ASTN1: variants seen among roughly 807,000 people sequenced by gnomAD.
ASTN1 encodes the protein astrotactin 1.
A neutral mutation model predicts 140.7 loss-of-function variants in ASTN1; 41 were observed. The observed-to-expected ratio is 0.29, with a 90% CI of 0.23 to 0.38. The LOEUF is 0.38. Among genes scored for constraint, ASTN1 ranks in the 10% least tolerant of loss-of-function variants. The probability of loss-of-function intolerance (pLI) is 1.00; values close to 1 mark genes in which losing one functional copy is unlikely to be tolerated. For synonymous variants in ASTN1, 640 were observed against 652.2 expected (o/e 0.98, Z 0.29); for missense variants, 1,479 against 1,678.8 (o/e 0.88, Z 2.08).
Position 176,936,254 on chromosome 1 carries a change from A to T in ASTN1, c.2482+12T>A. On this transcript the variant is annotated intron_variant, in intron 15 of 22. Transcript: ENST00000361833. ...AGGGAAGGTGGGCAGGATAGCCTGC[A>T]GCAGTGCTCACCCTGAGAGATGGCC... 1 of 1,608,564 alleles carries T rather than the reference A, an allele frequency of 6.2e-7. No individual in the cohort carries two copies.
chr1:176,892,054 C>T (rs1293792303), intron 17 of ASTN1, among the ~76,000 whole-genome samples: 2 of 151,942 alleles, frequency 1.3e-5, no homozygotes, highest in African/African-American at 2.4e-5. Context: ...GGGCCATAAG[C>T]ATGAGAAAAA....
chr1:176,948,453 A>G (rs1009912731), intron 12 of ASTN1, among the ~76,000 whole-genome samples: 2 of 152,200 alleles, frequency 1.3e-5, no homozygotes, highest in African/African-American at 4.8e-5. Context: ...CCAGAGAACC[A>G]CAGAACTTTT....
At chr1:176,942,796 C>G (rs1671774797) in intron 14 of ASTN1, among the ~76,000 whole-genome samples, 1 of 121,266 alleles carries the variant, frequency 8.2e-6, no homozygotes, top group Non-Finnish European at 1.7e-5. Context: ...TTTCCCAGAC[C>G]AAACCAATGT....
chr1:177,073,708 C>G (rs931332341), intron 1 of ASTN1, among the ~76,000 whole-genome samples: 1 of 150,810 alleles, frequency 6.6e-6, no homozygotes, highest in Non-Finnish European at 1.5e-5. Flanking sequence ...TAATGTGGCA[C>G]TGCAGAAACA....
intron 8 of ASTN1, among the ~76,000 whole-genome samples, chr1:176,990,939 G>T (rs951536497): frequency 6.6e-6 from 1 of 152,118 alleles, no homozygotes; most frequent in African/African-American, 2.4e-5. Context: ...TAAAGATGAT[G>T]GCCACATCTC....
chr1:176,868,828 T>C lies in ASTN1; in HGVS notation c.3647+16A>G. 6.3e-7 allele frequency: 1 copy of C among 1,587,204 alleles called. No individual in the cohort carries two copies. Among genetic ancestry groups the C allele is most frequent in the Non-Finnish European group, 8.6e-7 (1 of 1,164,386 alleles). On this transcript the variant is annotated intron_variant, in intron 22 of 22. Coordinates refer to ENST00000361833, the MANE Select transcript of ASTN1 (RefSeq NM_004319.3). Reference sequence around the variant, plus strand: ...TCAAGAAGTCTTTAAAAGGGTTGACTTAGTTTATTGATTACCTGGGACCTA... The same window carrying C: ...TCAAGAAGTCTTTAAAAGGGTTGACCTAGTTTATTGATTACCTGGGACCTA...
intron 3 of ASTN1, 53 bp downstream of exon 3, chr1:177,032,403 C>T: frequency 6.3e-7 from 1 of 1,579,098 alleles, no homozygotes; most frequent in Non-Finnish European, 8.6e-7. Flanking sequence ...ACCCACTCCC[C>T]AGCTCCTTGA....
rs767965281 is a variant in ASTN1, at chr1:176,864,427, G to C, written c.3742C>G (p.Leu1248Val). The C allele has an allele frequency of 1.2e-6, 2 of 1,614,182 alleles. No homozygotes were observed. The highest frequency in any genetic ancestry group is 1.7e-5 in the Admixed American group (1 of 60,024). The change falls in exon 23 of 23, where the codon CTC (leucine) becomes GTC (valine). Residue 1248 changes from leucine to valine, a missense_variant. This residue lies in a region of ASTN1 where 746 missense variants were observed against 800.9 expected (regional missense o/e 0.93). Coordinates refer to ENST00000361833, the MANE Select transcript of ASTN1 (RefSeq NM_004319.3). ...EPKISLRRSS[L>V]KYLGCRYSEI... Reference sequence around the variant, plus strand: ...CTGTAGCGGCACCCCAGGTACTTGAGTGAGCTGCGCCGCAAGCTTATCTTG... The same window carrying C: ...CTGTAGCGGCACCCCAGGTACTTGACTGAGCTGCGCCGCAAGCTTATCTTG...
chr1:177,089,485 C>T (rs942245667), intron 1 of ASTN1, among the ~76,000 whole-genome samples: 17 of 152,012 alleles, frequency 1.1e-4, no homozygotes, highest in East Asian at 1.9e-4. Context: ...AAAATGTTTG[C>T]GACAAATAAG....
intron 1 of ASTN1, among the ~76,000 whole-genome samples, chr1:177,096,224 C>T (rs1680018870): frequency 6.6e-6 from 1 of 152,142 alleles, no homozygotes; most frequent in Non-Finnish European, 1.5e-5. Context: ...TGAGTCTCAC[C>T]TATATCTGAT....
chr1:177,041,524 T>C (rs1468049890), intron 2 of ASTN1, among the ~76,000 whole-genome samples: 1 of 152,160 alleles, frequency 6.6e-6, no homozygotes, highest in Non-Finnish European at 1.5e-5. Flanking sequence ...CCTTCAAAAC[T>C]TCACAAGCCA....
chr1:177,104,256 C>T (rs904956251), intron 1 of ASTN1, among the ~76,000 whole-genome samples: 1 of 152,118 alleles, frequency 6.6e-6, no homozygotes. Context: ...GACCCCTCAG[C>T]AAACAGAGCA....
intron 7 of ASTN1, 77 bp from the exon 8 acceptor site, chr1:177,014,952 A>G (rs1471149349): frequency 7.4e-7 from 1 of 1,352,330 alleles, no homozygotes; most frequent in Non-Finnish European, 1.1e-6. Context: ...AAAAATTAAC[A>G]TGAAATAGTC....
At chr1:176,929,032 C>T (rs889169546) in intron 16 of ASTN1, among the ~76,000 whole-genome samples, 1 of 152,142 alleles carries the variant, frequency 6.6e-6, no homozygotes, top group Non-Finnish European at 1.5e-5. Context: ...AAGGAAGTCT[C>T]TAGGGACCTA....
intron 2 of ASTN1, among the ~76,000 whole-genome samples, chr1:177,056,844 G>T (rs1400739587): frequency 6.6e-6 from 1 of 152,168 alleles, no homozygotes; most frequent in East Asian, 1.9e-4. Flanking sequence ...TATCTGACAT[G>T]AAGTCATATT....
chr1:177,079,629 G>A (rs1337855613), intron 1 of ASTN1, among the ~76,000 whole-genome samples: 1 of 151,966 alleles, frequency 6.6e-6, no homozygotes, highest in African/African-American at 2.4e-5. Flanking sequence ...GCCATTGGGT[G>A]TGGTCAAAGA....
At chr1:177,056,346 G>C (rs1305736257) in intron 2 of ASTN1, among the ~76,000 whole-genome samples, 1 of 152,018 alleles carries the variant, frequency 6.6e-6, no homozygotes, top group Non-Finnish European at 1.5e-5. Context: ...TCTGTACCTT[G>C]GGTTCACCTG....
rs1676538475 is a variant in ASTN1 at position 177,033,197 on chromosome 1, ATTAAG to A, written c.472-353_472-349del. On this transcript the variant is annotated intron_variant, in intron 2 of 22. Transcript: ENST00000361833. ...CAAAAACAGGGGAGAGCTTTTATGT[ATTAAG>A]TTAAATCTGCCACACATAACGCTGG... Among the ~76,000 whole-genome samples the A allele has an allele frequency of 2.0e-5, 3 of 150,984 alleles. No individual in the cohort carries two copies. The South Asian group carries it at 6.3e-4, about 32-fold the overall frequency.
At chr1:176,878,674 T>C (rs1668665418) in intron 20 of ASTN1, among the ~76,000 whole-genome samples, 1 of 152,008 alleles carries the variant, frequency 6.6e-6, no homozygotes, top group South Asian at 2.1e-4. Context: ...CAGTCCCAGG[T>C]CAGCACCAAC....
Sources: gnomAD v4.1 joint callset for allele counts (sites outside exome capture counted in the v4.1 genomes callset) on GRCh38, gnomAD v4.1.1 for gene constraint, gnomAD v4.1.1 regional missense constraint, MANE v1.5 for transcripts, NCBI Gene and HGNC (gene_info 2026-07-23, HGNC 2026-07-21) for gene names.